ADGRV1: variants seen among roughly 807,000 people sequenced by gnomAD.
ADGRV1 encodes adhesion G protein-coupled receptor V1, also known as G-protein coupled receptor 98.
ADGRV1 carries 359 observed loss-of-function variants against 596.2 expected under a neutral mutation model. That is an observed-to-expected ratio of 0.60 (90% CI 0.55 to 0.66). The LOEUF (loss-of-function observed/expected upper bound fraction) is 0.66. Ranked by LOEUF, ADGRV1 falls within the 30% of genes least tolerant of loss-of-function variation. ADGRV1 has a pLI of 0.00. For synonymous variants in ADGRV1, 2,681 were observed against 2,679.2 expected, an observed-to-expected ratio of 1.00 and a Z score of -0.02; for missense variants, 7,274 against 7,575.6, an observed-to-expected ratio of 0.96 and a Z score of 1.48.
At chr5:90,750,353 A>G (rs1255656359) in intron 52 of ADGRV1, among the ~76,000 whole-genome samples, 198 bp from the exon 53 acceptor site, 1 of 152,206 alleles carries the variant, frequency 6.6e-6, no homozygotes, top group Non-Finnish European at 1.5e-5. Flanking sequence ...ACTTTCACTT[A>G]GTCTGTTACT....
intron 83 of ADGRV1, among the ~76,000 whole-genome samples, chr5:90,946,511 G>A (rs762137865): frequency 2.5e-4 from 38 of 151,912 alleles, no homozygotes; most frequent in Non-Finnish European, 3.8e-4. Flanking sequence ...GGTTTGTTAC[G>A]TAGGTAAACG....
intron 1 of ADGRV1, among the ~76,000 whole-genome samples, chr5:90,568,379 C>CA (rs1233708504): frequency 1.3e-5 from 2 of 151,926 alleles, no homozygotes; most frequent in African/African-American, 4.8e-5. Flanking sequence ...ATCCTTTGGT[C>CA]ATTTAGGAGT....
At position 90,756,461 on chromosome 5, in the gene ADGRV1, T is replaced by G. The variant is rs1755841580; in HGVS notation, c.11588T>G (p.Leu3863Arg). The G allele has an allele frequency of 6.6e-7, 1 of 1,518,098 alleles. No individual in the cohort carries two copies. The highest frequency in any genetic ancestry group is 2.4e-5 in the East Asian group (1 of 42,224). The allele number at this position is 1,518,098 out of a possible 1,614,324, so 94.0% of individuals were successfully genotyped here. A position where few individuals can be genotyped will look rare whatever the true frequency, so the allele number is the denominator to read the frequency against. The change falls in exon 56 of 90, where the codon CTT becomes CGT. Residue 3863 changes from leucine to arginine, a missense_variant. Leu to Arg is a moderately radical substitution (Grantham distance 102). This residue lies in a region of ADGRV1 where 3,643 missense variants were observed against 3,809.2 expected (regional missense o/e 0.96). Transcript: ENST00000405460. ...TTTTCCCCCATCCCCCAGGATGACC[T>G]TCCTGAATTGGAGGAAGGATTTATT... is the stretch of plus-strand genomic sequence containing the variant. ...HAEVSILPDD[L>R]PELEEGFIVT...
intron 83 of ADGRV1, among the ~76,000 whole-genome samples, chr5:90,925,215 C>T (rs1358580948): frequency 2.0e-5 from 3 of 151,914 alleles, no homozygotes; most frequent in East Asian, 1.9e-4. Context: ...TGTAAGTTAC[C>T]TTGGGCAGTA....
intron 83 of ADGRV1, among the ~76,000 whole-genome samples, chr5:90,934,588 A>G (rs550041023): frequency 1.1e-4 from 17 of 152,216 alleles, no homozygotes; most frequent in Admixed American, 6.5e-5. Flanking sequence ...CATGGGTATC[A>G]TGTCACCTTT....
Position 90,628,702 on chromosome 5 carries a change from A to C in ADGRV1, c.1379A>C (p.Gln460Pro). 6.2e-7 allele frequency: 1 copy of C among 1,614,036 alleles called. No homozygotes were observed. Among genetic ancestry groups the C allele is most frequent in the South Asian group, 1.1e-5 (1 of 91,076 alleles). ...AGCTCTGGAGTTCTCCATTTTGCAC[A>C]AGGGCAGATGTTGGCAACAATTCCT... Reference protein sequence around the residue: ...RPSSGVLHFAQGQMLATIPLT... With the variant: ...RPSSGVLHFAPGQMLATIPLT... The change falls in exon 8 of 90, where the codon CAA (glutamine) becomes CCA (proline). Residue 460 changes from glutamine (Q) to proline (P), a missense_variant. Gln to Pro is a moderately conservative substitution (Grantham distance 76). This residue lies in a region of ADGRV1 where 1,715 missense variants were observed against 1,708.8 expected (regional missense o/e 1.00). Transcript: ENST00000405460.
intron 59 of ADGRV1, among the ~76,000 whole-genome samples, chr5:90,766,116 A>G (rs889993628): frequency 6.6e-5 from 10 of 152,002 alleles, no homozygotes; most frequent in Admixed American, 2.0e-4. Flanking sequence ...TCACTGTGTT[A>G]GCCAGGATGG....
chr5:90,784,299 A>G (rs1759187893), intron 67 of ADGRV1, among the ~76,000 whole-genome samples: 1 of 152,330 alleles, frequency 6.6e-6, no homozygotes, highest in East Asian at 1.9e-4. Context: ...GATAAAATTC[A>G]TTAATTCAAC....
chr5:90,792,986 T>TA (rs545813055), intron 70 of ADGRV1: 29 of 152,296 alleles, frequency 1.9e-4, no homozygotes, highest in African/African-American at 6.0e-4. Context: ...CCCATGCAGA[T>TA]ATGGGGAGAA....
chr5:91,113,577 G>A (rs1254407540), intron 87 of ADGRV1, among the ~76,000 whole-genome samples: 1 of 152,106 alleles, frequency 6.6e-6, no homozygotes, highest in Admixed American at 6.6e-5. Flanking sequence ...TAGTCCCTCA[G>A]TATATTCTGT....
intron 85 of ADGRV1, among the ~76,000 whole-genome samples, chr5:91,051,571 G>A: frequency 8.1e-6 from 1 of 123,398 alleles, no homozygotes; most frequent in East Asian, 2.5e-4. Flanking sequence ...TTTTGAGGAA[G>A]AGTCTCACTC....
In ADGRV1 at chr5:91,041,542, G is replaced by A. The variant is rs181666464; in HGVS notation, c.18153-30905G>A. Among the ~76,000 whole-genome samples the A allele has an allele frequency of 9.6e-3, 1,451 of 151,392 alleles. 23 individuals carry two copies. Among genetic ancestry groups the A allele is most frequent in the African/African-American group, 0.033 (1,366 of 41,352 alleles). ...AGGAGAAATACCTAATGTAGATGAC[G>A]GGTTGATGGGTGCAGTAAACCACCA... On this transcript the variant is annotated intron_variant, in intron 85 of 89. Transcript: ENST00000405460.
chr5:90,727,102 G>C lies in ADGRV1; in HGVS notation c.10161+1446G>C, dbSNP rs1055294962. 6.6e-5 allele frequency among the ~76,000 whole-genome samples: 10 copies of C among 152,032 alleles called. No homozygotes were observed. The South Asian group carries it at 1.5e-3, about 22-fold the overall frequency. ...TCCTTGATTACTCCTTTTTATTAGTGGGGGGGATGGGGTCTGGCTCTGTGG... is the reference window on the plus strand; with the variant it reads ...TCCTTGATTACTCCTTTTTATTAGTCGGGGGGATGGGGTCTGGCTCTGTGG... On this transcript the variant is annotated intron_variant, in intron 48 of 89. Coordinates refer to ENST00000405460, the MANE Select transcript of ADGRV1 (RefSeq NM_032119.4).
chr5:90,813,132 C>CAAAAAATAA (rs1762590460), intron 74 of ADGRV1, among the ~76,000 whole-genome samples: 1 of 34,914 alleles, frequency 2.9e-5, no homozygotes, highest in African/African-American at 8.3e-5. Flanking sequence ...GACTCCGTCT[C>CAAAAAATAA]AAAAAAAAAA....
At chr5:91,120,737 C>T (rs965863811) in intron 87 of ADGRV1, among the ~76,000 whole-genome samples, 1 of 152,184 alleles carries the variant, frequency 6.6e-6, no homozygotes, top group African/African-American at 2.4e-5. Context: ...CTGGGCTCCA[C>T]CTGGCTCAGT....
chr5:91,155,328 C>G (rs1382173977), intron 89 of ADGRV1, among the ~76,000 whole-genome samples: 1 of 152,086 alleles, frequency 6.6e-6, no homozygotes, highest in East Asian at 1.9e-4. Flanking sequence ...TAGCAGGAGC[C>G]CAGAGGCTTA....
At position 90,705,431 on chromosome 5, in the gene ADGRV1, T is replaced by G. The variant is rs201451274; in HGVS notation, c.8418T>G (p.Asp2806Glu). The change falls in exon 37 of 90, where the codon GAT becomes GAG. Residue 2806 changes from aspartate (D) to glutamate (E), a missense_variant. By Grantham distance (45) the Asp-to-Glu change is conservative (BLOSUM62 2). Around this residue, in one of 5 missense-constraint regions of ADGRV1, gnomAD observed 3,643 missense variants for 3,809.2 expected, o/e 0.96. Coordinates refer to ENST00000405460, the MANE Select transcript of ADGRV1 (RefSeq NM_032119.4). ...CACCAGCCGGAATCGCCCTGCTTGATGCTCAAGGATATGCAGCTGTCCTCA... is the reference window on the plus strand; with the variant it reads ...CACCAGCCGGAATCGCCCTGCTTGAGGCTCAAGGATATGCAGCTGTCCTCA... The part of the protein sequence containing the change: ...GVPPAGIALL[D>E]AQGYAAVLTV... 2 of 1,613,922 alleles carry G rather than the reference T, an allele frequency of 1.2e-6. No homozygotes were observed. Among genetic ancestry groups the G allele is most frequent in the Admixed American group, 3.3e-5 (2 of 60,024 alleles).
intron 83 of ADGRV1, among the ~76,000 whole-genome samples, chr5:90,916,133 A>G (rs1773331150): frequency 6.6e-6 from 1 of 151,558 alleles, no homozygotes; most frequent in Non-Finnish European, 1.5e-5. Flanking sequence ...TATTCAGTCT[A>G]GGGGCAACCT....
At chr5:90,915,432 C>G (rs557132936) in intron 83 of ADGRV1, among the ~76,000 whole-genome samples, 1 of 152,120 alleles carries the variant, frequency 6.6e-6, no homozygotes, top group Non-Finnish European at 1.5e-5. Context: ...ACTTATTAAT[C>G]TCTGTGTCCT....
Sources: gnomAD v4.1 joint callset for allele counts (sites outside exome capture counted in the v4.1 genomes callset) on GRCh38, gnomAD v4.1.1 for gene constraint, gnomAD v4.1.1 regional missense constraint, MANE v1.5 for transcripts, NCBI Gene and HGNC (gene_info 2026-07-23, HGNC 2026-07-21) for gene names.